The following PKIB variants were observed in gnomAD, a reference collection of about 807,000 sequenced individuals.
PKIB encodes cAMP-dependent protein kinase inhibitor beta.
A neutral mutation model predicts 4.5 loss-of-function variants in PKIB; 2 were observed. That is an observed-to-expected ratio of 0.44 (90% CI 0.18 to 1.39). The LOEUF is 1.39. Ranked by LOEUF, PKIB falls within the 40% of genes most tolerant of loss-of-function variation. PKIB has a pLI of 0.27. For synonymous variants in PKIB, 38 were observed against 36.0 expected (o/e 1.06, Z -0.20); for missense variants, 94 against 92.6 (o/e 1.02, Z -0.06).
At chr6:122,520,668 C>A (rs948068737) in intron 2 of PKIB, among the ~76,000 whole-genome samples, 5 of 116,980 alleles carry the variant, frequency 4.3e-5, no homozygotes, top group African/African-American at 1.3e-4. Context: ...TGTTCCCACC[C>A]CCCCCCCACC....
rs189553365 is a variant in PKIB at position 122,508,789 on chromosome 6, C to T, written c.-248+30850C>T. 3.3e-3 allele frequency among the ~76,000 whole-genome samples: 496 copies of T among 151,960 alleles called. 3 individuals are homozygous for T. The highest frequency in any genetic ancestry group is 0.011 in the African/African-American group (455 of 41,442). On this transcript the variant is annotated intron_variant, in intron 2 of 6. Coordinates refer to the PKIB transcript ENST00000392491. The stretch of plus-strand genomic sequence containing the variant: ...TTTTAGAGACAGAGTCTTGCTCTGT[C>T]GCCCAGGCTGGAATGCAGTAACGCC...
At chr6:122,492,720 A>G (rs1775971527) in intron 2 of PKIB, among the ~76,000 whole-genome samples, 1 of 151,376 alleles carries the variant, frequency 6.6e-6, no homozygotes, top group Non-Finnish European at 1.5e-5. Context: ...ATAAGAGGTT[A>G]TGAGTTTGCC....
chr6:122,649,965 G>A (rs1287074754), intron 2 of PKIB, among the ~76,000 whole-genome samples: 3 of 152,102 alleles, frequency 2.0e-5, no homozygotes, highest in Admixed American at 6.6e-5. Context: ...AGCTTACATG[G>A]CAGCTTGGAC....
At chr6:122,545,904 A>T (rs946458547) in intron 2 of PKIB, among the ~76,000 whole-genome samples, 3 of 151,516 alleles carry the variant, frequency 2.0e-5, no homozygotes, top group Non-Finnish European at 4.4e-5. Flanking sequence ...TATTTAGGAC[A>T]GTGGAGTGGT....
intron 3 of PKIB, among the ~76,000 whole-genome samples, chr6:122,594,824 C>G (rs895930313): frequency 2.0e-5 from 3 of 152,136 alleles, no homozygotes; most frequent in African/African-American, 7.2e-5. Context: ...CTGAGTCACC[C>G]TAATGGATCT....
At chr6:122,664,163 C>G (rs1038194253) in intron 2 of PKIB, among the ~76,000 whole-genome samples, 1 of 152,178 alleles carries the variant, frequency 6.6e-6, no homozygotes, top group Non-Finnish European at 1.5e-5. Flanking sequence ...CTGCAACAGT[C>G]AGAGATTGAT....
rs185986224 is a variant in PKIB at position 122,486,185 on chromosome 6, G to C, written c.-248+8246G>C. 1.1e-3 allele frequency among the ~76,000 whole-genome samples: 174 copies of C among 152,192 alleles called. 1 individual carries two copies. Among genetic ancestry groups the C allele is most frequent in the African/African-American group, 4.0e-3 (166 of 41,526 alleles). On this transcript the variant is annotated intron_variant, in intron 2 of 6. Coordinates refer to the PKIB transcript ENST00000392491. ...ATCCATCACTGTCCCTATTAAACTTGTGAGCCAGCTTCTTTCTGCAGAAAT... is the reference window on the plus strand; with the variant it reads ...ATCCATCACTGTCCCTATTAAACTTCTGAGCCAGCTTCTTTCTGCAGAAAT...
intron 3 of PKIB, among the ~76,000 whole-genome samples, chr6:122,703,904 C>T (rs980459252): frequency 4.2e-5 from 6 of 142,404 alleles, no homozygotes; most frequent in South Asian, 2.2e-4. Context: ...ATATAAAAAA[C>T]GCTATATATA....
chr6:122,718,289 A>G (rs900310262), intron 4 of PKIB, among the ~76,000 whole-genome samples: 1 of 152,212 alleles, frequency 6.6e-6, no homozygotes, highest in Non-Finnish European at 1.5e-5. Flanking sequence ...TTTATTAAGA[A>G]GTATTCATAA....
At chr6:122,713,348 G>A (rs1473417617) in intron 3 of PKIB, among the ~76,000 whole-genome samples, 1 of 152,148 alleles carries the variant, frequency 6.6e-6, no homozygotes, top group African/African-American at 2.4e-5. Context: ...TAGTGAGTCA[G>A]CTGCCTTGGT....
At chr6:122,525,425 C>T (rs1777068153) in intron 2 of PKIB, among the ~76,000 whole-genome samples, 1 of 152,064 alleles carries the variant, frequency 6.6e-6, no homozygotes, top group Non-Finnish European at 1.5e-5. Context: ...TCTATGTGCA[C>T]TTGAGAAGAA....
At chr6:122,719,709 CCACACATACACA>C (rs1157431061) in intron 4 of PKIB, among the ~76,000 whole-genome samples, 1,548 of 137,860 alleles carry the variant, frequency 0.011, 25 homozygotes, top group Middle Eastern at 0.018. Context: ...AGTGTTCCCA[CCACACATACACA>C]CACACACACA....
intron 2 of PKIB, among the ~76,000 whole-genome samples, chr6:122,659,039 C>T (rs1383577377): frequency 6.6e-6 from 1 of 151,766 alleles, no homozygotes; most frequent in Non-Finnish European, 1.5e-5. Flanking sequence ...ATGAAAACTA[C>T]ACTTTACCAA....
chr6:122,637,083 CAG>C (rs1417064718), intron 2 of PKIB, among the ~76,000 whole-genome samples: 3 of 152,054 alleles, frequency 2.0e-5, no homozygotes, highest in Non-Finnish European at 4.4e-5. Flanking sequence ...AGAACAATGA[CAG>C]AGACATAACT....
chr6:122,637,000 AAT>A (rs1258343377), intron 2 of PKIB, among the ~76,000 whole-genome samples: 1 of 152,226 alleles, frequency 6.6e-6, no homozygotes, highest in Admixed American at 6.5e-5. Context: ...ATAATTAGTT[AAT>A]GTTAGGAAAA....
rs191845830 is a variant in PKIB, at chr6:122,576,394, C to T, written c.-247-9527C>T. Among the ~76,000 whole-genome samples the T allele has an allele frequency of 1.9e-3, 293 of 151,548 alleles. 1 individual carries two copies. Among genetic ancestry groups the T allele is most frequent in the African/African-American group, 6.3e-3 (260 of 41,294 alleles). On this transcript the variant is annotated intron_variant, in intron 2 of 6. Transcript: ENST00000392491. ...ACTTAAAATATATATTTTGGCTGGG[C>T]GCGGTGGCTCACGCCTGTAATCCCA...
At chr6:122,706,892 A>G (rs9482271) in intron 3 of PKIB, among the ~76,000 whole-genome samples, 49,123 of 152,014 alleles carry the variant, frequency 0.32, 9,171 homozygotes, top group South Asian at 0.56. Context: ...TTTCCCTTAA[A>G]ATGTTTTTCT....
intron 2 of PKIB, among the ~76,000 whole-genome samples, chr6:122,506,997 G>A (rs986895810): frequency 5.9e-5 from 9 of 152,014 alleles, no homozygotes; most frequent in African/African-American, 1.7e-4. Context: ...CACCGCGCCC[G>A]GCCGTAATTT....
intron 2 of PKIB, among the ~76,000 whole-genome samples, chr6:122,638,063 A>C (rs1172354002): frequency 6.6e-6 from 1 of 152,204 alleles, no homozygotes; most frequent in African/African-American, 2.4e-5. Context: ...ATAATGCAGT[A>C]GATAATCGCA....
Sources: gnomAD v4.1 joint callset for allele counts (sites outside exome capture counted in the v4.1 genomes callset) on GRCh38, gnomAD v4.1.1 for gene constraint, MANE v1.5 for transcripts, NCBI Gene and HGNC (gene_info 2026-07-23, HGNC 2026-07-21) for gene names.